GTPBP10: variants seen among roughly 807,000 people sequenced by gnomAD.
GTPBP10 encodes GTP binding protein 10.
A neutral mutation model predicts 44.8 loss-of-function variants in GTPBP10; 38 were observed. The observed-to-expected ratio is 0.85, with a 90% CI of 0.65 to 1.11. GTPBP10 has a LOEUF of 1.11. Among genes scored for constraint, GTPBP10 ranks in the 50% most tolerant of loss-of-function variants. GTPBP10 has a pLI of 0.00. For synonymous variants in GTPBP10, 152 were observed against 150.6 expected, an observed-to-expected ratio of 1.01 and a Z score of -0.07; for missense variants, 462 against 453.7, an observed-to-expected ratio of 1.02 and a Z score of -0.17.
chr7:90,360,097 C>T (rs1343568141), intron 4 of GTPBP10, among the ~76,000 whole-genome samples: 1 of 152,052 alleles, frequency 6.6e-6, no homozygotes, highest in Non-Finnish European at 1.5e-5. Context: ...GTTGCCTGTT[C>T]ACTCCGATGG....
rs150172644 is a variant in GTPBP10 at position 90,372,200 on chromosome 7, T to G, written c.510T>G (p.His170Gln). 1 of 1,605,760 alleles carries G rather than the reference T, an allele frequency of 6.2e-7. No homozygotes were observed. The highest frequency in any genetic ancestry group is 1.7e-5 in the Admixed American group (1 of 59,272). Residue 170 changes from histidine (H) to glutamine (Q), a missense_variant, in exon 5 of 10, where the codon CAT becomes CAG. Physicochemically the swap from His to Gln is conservative, Grantham distance 24. Transcript: ENST00000222511. ...GKSSLLSCVS[H>Q]AKPAIADYAF... Reference sequence around the variant, plus strand: ...CCTCTTTGCTAAGTTGTGTTTCTCATGCAAAACCTGCAATTGCAGATTACG... The same window carrying G: ...CCTCTTTGCTAAGTTGTGTTTCTCAGGCAAAACCTGCAATTGCAGATTACG...
intron 4 of GTPBP10, among the ~76,000 whole-genome samples, chr7:90,369,696 G>GTGTACCACTCCTCCAGGTACAGAC (rs1796218150): frequency 1.3e-5 from 2 of 152,174 alleles, no homozygotes; most frequent in South Asian, 4.1e-4. Flanking sequence ...TTAGGCAGGA[G>GTGTACCACTCCTCCAGGTACAGAC]TGTACCACTC....
At chr7:90,352,786 T>C (rs1361668277) in intron 1 of GTPBP10, 30 bp from the exon 2 acceptor site, 1 of 1,537,434 alleles carries the variant, frequency 6.5e-7, no homozygotes, top group Non-Finnish European at 8.8e-7. Flanking sequence ...ACTTTTGGTA[T>C]ACAAATATTC....
At chr7:90,375,886 T>G (rs1367332068) in intron 6 of GTPBP10, among the ~76,000 whole-genome samples, 1 of 152,024 alleles carries the variant, frequency 6.6e-6, no homozygotes, top group African/African-American at 2.4e-5. Context: ...TGGGCATTTG[T>G]AGCTTCTAAG....
At chr7:90,359,512 G>A (rs532692607) in intron 4 of GTPBP10, among the ~76,000 whole-genome samples, 1 of 152,274 alleles carries the variant, frequency 6.6e-6, no homozygotes, top group Admixed American at 6.5e-5. Context: ...TGATGTATAT[G>A]TGCCACGTTT....
chr7:90,374,231 C>A, intron 5 of GTPBP10, 71 bp from the exon 6 acceptor site: 2 of 1,005,914 alleles, frequency 2.0e-6, no homozygotes, highest in Non-Finnish European at 3.2e-6. Flanking sequence ...ATGCATAATA[C>A]CAAGACAGTT....
At chr7:90,353,997 T>G (rs1795844977) in intron 2 of GTPBP10, among the ~76,000 whole-genome samples, 1 of 152,010 alleles carries the variant, frequency 6.6e-6, no homozygotes, top group Non-Finnish European at 1.5e-5. Context: ...CAGCTAATTT[T>G]TAAATTTTTC....
rs1446223189 is a variant in GTPBP10, at chr7:90,389,394, T to C, written c.*4240T>C. Reference sequence around the variant, plus strand: ...GGAGCCTAAAAAATTTGAATTTTTTTTTTTCCCCCCCCAGACGGAGTCTCG... The same window carrying C: ...GGAGCCTAAAAAATTTGAATTTTTTCTTTTCCCCCCCCAGACGGAGTCTCG... On this transcript the variant is annotated 3_prime_UTR_variant, in exon 10 of 10. Coordinates refer to ENST00000222511, the MANE Select transcript of GTPBP10 (RefSeq NM_033107.4). 7.0e-6 allele frequency: 1 copy of C among 143,104 alleles called. No homozygotes were observed. The highest frequency in any genetic ancestry group is 7.0e-5 in the Admixed American group (1 of 14,346). The allele number at this position is 143,104 out of a possible 1,614,324, so 8.9% of individuals were successfully genotyped here.
chr7:90,358,282 A>G (rs1437023852), intron 4 of GTPBP10, among the ~76,000 whole-genome samples: 7 of 152,108 alleles, frequency 4.6e-5, no homozygotes, highest in African/African-American at 1.2e-4. Flanking sequence ...GAAATCATAG[A>G]TGACACAAAC....
At chr7:90,382,373 C>T (rs370510197) in intron 8 of GTPBP10, among the ~76,000 whole-genome samples, 1 of 152,128 alleles carries the variant, frequency 6.6e-6, no homozygotes, top group East Asian at 1.9e-4. Context: ...CTACCTCAGC[C>T]TCCTAAAGTG....
chr7:90,349,654 T>C (rs1243582479), intron 1 of GTPBP10, among the ~76,000 whole-genome samples: 1 of 152,224 alleles, frequency 6.6e-6, no homozygotes. Flanking sequence ...CAAACACAAC[T>C]GCATTTGCAC....
rs747023041 is a variant in GTPBP10, at chr7:90,385,091, A to G, written c.1101A>G (p.Thr367=). The G allele has an allele frequency of 1.9e-6, 3 of 1,613,328 alleles. No individual in the cohort carries two copies. The Admixed American group carries it at 5.0e-5, about 27-fold the overall frequency. The change falls in exon 10 of 10, where the codon ACA becomes ACG. Residue 367 remains threonine, a synonymous_variant. Coordinates refer to ENST00000222511, the MANE Select transcript of GTPBP10 (RefSeq NM_033107.4). ...KQLLNLWISD[T]MSSTEPPSKH... ...TGCTTAATTTGTGGATTTCTGATACAATGTCTTCTACTGAGCCACCATCAA... is the reference window on the plus strand; with the variant it reads ...TGCTTAATTTGTGGATTTCTGATACGATGTCTTCTACTGAGCCACCATCAA...
intron 8 of GTPBP10, among the ~76,000 whole-genome samples, chr7:90,379,899 T>A (rs12704530): frequency 0.065 from 9,942 of 152,260 alleles, 356 homozygotes; most frequent in South Asian, 0.15. Context: ...ATAGTTCTTA[T>A]TTGCATTTCT....
chr7:90,369,325 T>G (rs1253482375), intron 4 of GTPBP10, among the ~76,000 whole-genome samples: 1 of 152,162 alleles, frequency 6.6e-6, no homozygotes, highest in Non-Finnish European at 1.5e-5. Context: ...GACTCTCTCT[T>G]CAGAGCTGTC....
rs1796512140 is a variant in GTPBP10, at chr7:90,385,642, T to TTTTGAAATTTTTTTTGAAATTTA, written c.*495_*496insTTTTTTTTGAAATTTATTTGAAA. On this transcript the variant is annotated 3_prime_UTR_variant, in exon 10 of 10. Coordinates refer to ENST00000222511, the MANE Select transcript of GTPBP10 (RefSeq NM_033107.4). ...TTTAAAATTATATTTAATTTTTTTATTTTGAAAGTTTTTTCACAGATCTTT... is the reference window on the plus strand; with the variant it reads ...TTTAAAATTATATTTAATTTTTTTATTTTGAAATTTTTTTTGAAATTTATTTGAAAGTTTTTTCACAGATCTTT... 6.6e-6 allele frequency: 1 copy of TTTTGAAATTTTTTTTGAAATTTA among 152,258 alleles called. No individual in the cohort carries two copies. Among genetic ancestry groups the TTTTGAAATTTTTTTTGAAATTTA allele is most frequent in the Non-Finnish European group, 1.5e-5 (1 of 68,064 alleles). The allele number at this position is 152,258 out of a possible 1,614,324, so 9.4% of individuals were successfully genotyped here.
At chr7:90,384,238 A>C (rs1031191401) in intron 9 of GTPBP10, among the ~76,000 whole-genome samples, 1 of 152,102 alleles carries the variant, frequency 6.6e-6, no homozygotes, top group Non-Finnish European at 1.5e-5. Context: ...TTCTCCACCA[A>C]TCTGTTTCAG....
At chr7:90,365,546 T>C (rs1796117818) in intron 4 of GTPBP10, among the ~76,000 whole-genome samples, 1 of 151,394 alleles carries the variant, frequency 6.6e-6, no homozygotes, top group Non-Finnish European at 1.5e-5. Flanking sequence ...CGGCTAATTT[T>C]TTTGTATTTT....
At chr7:90,371,858 GTTTTTC>G (rs1204244955) in intron 4 of GTPBP10, among the ~76,000 whole-genome samples, 1 of 151,576 alleles carries the variant, frequency 6.6e-6, no homozygotes, top group East Asian at 1.9e-4. Context: ...AGTTACAGGT[GTTTTTC>G]TTTTTTTTCT....
intron 5 of GTPBP10, among the ~76,000 whole-genome samples, chr7:90,373,248 C>T (rs1474627349): frequency 6.6e-6 from 1 of 152,120 alleles, no homozygotes; most frequent in Non-Finnish European, 1.5e-5. Flanking sequence ...CAATTGGAAG[C>T]ATTTAAGCAA....
Sources: allele counts gnomAD v4.1 joint callset (sites outside exome capture counted in the v4.1 genomes callset), GRCh38; gene constraint gnomAD v4.1.1; transcripts MANE v1.5; gene names NCBI Gene and HGNC (gene_info 2026-07-23, HGNC 2026-07-21).